MPP1: variants seen among roughly 807,000 people sequenced by gnomAD.
MPP1 encodes the protein MAGUK p55 scaffold protein 1.
Under a neutral mutation model 38.2 loss-of-function variants are expected in MPP1, and 6 were observed. The ratio of observed to expected loss-of-function variants is 0.16; its 90% CI spans 0.09 to 0.31. The LOEUF (loss-of-function observed/expected upper bound fraction) is 0.31, where lower values mean the gene tolerates loss of function less well. Among genes scored for constraint, MPP1 ranks in the 10% least tolerant of loss-of-function variants. The pLI is 1.00. For synonymous variants in MPP1, 153 were observed against 146.3 expected (o/e 1.05, Z -0.33); for missense variants, 293 against 368.9 (o/e 0.79, Z 1.69).
At chrX:154,791,902 T>G (rs1230040003) in intron 2 of MPP1, 55 bp from the exon 3 acceptor site, 12 of 1,100,419 alleles carry the variant, frequency 1.1e-5, no homozygotes, top group Non-Finnish European at 1.5e-5. Context: ...TCTGAGGTTA[T>G]TTTAGAAAGA....
At chrX:154,780,691 C>T (rs782413515) in intron 11 of MPP1, among the ~76,000 whole-genome samples, 1 of 111,342 alleles carries the variant, frequency 9.0e-6, no homozygotes, top group South Asian at 3.6e-4. Flanking sequence ...TGCAGTATTA[C>T]ACATGCATGC....
At chrX:154,785,642 C>G (rs1221568725) in intron 6 of MPP1, among the ~76,000 whole-genome samples, 1 of 112,387 alleles carries the variant, frequency 8.9e-6, no homozygotes, top group Non-Finnish European at 1.9e-5. Context: ...TGGTTGTAAT[C>G]TTTACACTGG....
At chrX:154,798,435 C>G (rs1026826938) in intron 1 of MPP1, among the ~76,000 whole-genome samples, 10 of 112,439 alleles carry the variant, frequency 8.9e-5, no homozygotes, top group Non-Finnish European at 1.7e-4. Context: ...GCAATTAAAA[C>G]AAAAAACACT....
intron 1 of MPP1, among the ~76,000 whole-genome samples, chrX:154,802,551 C>T (rs945608303): frequency 7.2e-5 from 8 of 110,920 alleles, no homozygotes; most frequent in African/African-American, 2.6e-4. Context: ...CAAACAGGCC[C>T]GAAGAGAAAA....
At chrX:154,801,413 A>T (rs1557268659) in intron 1 of MPP1, among the ~76,000 whole-genome samples, 1 of 111,056 alleles carries the variant, frequency 9.0e-6, no homozygotes, top group African/African-American at 3.3e-5. Context: ...TAGCCACAAT[A>T]AAAGCAGATT....
intron 3 of MPP1, among the ~76,000 whole-genome samples, chrX:154,791,423 G>C (rs1314748809): frequency 8.9e-6 from 1 of 112,202 alleles, no homozygotes; most frequent in African/African-American, 3.2e-5. Context: ...TTGTTGTTTA[G>C]CTCAAACCCC....
At chrX:154,801,450 T>G (rs1393215700) in intron 1 of MPP1, among the ~76,000 whole-genome samples, 14 of 110,296 alleles carry the variant, frequency 1.3e-4, no homozygotes, top group African/African-American at 4.3e-4. Flanking sequence ...CCTAAGCCCT[T>G]CCAGTTTTGA....
intron 1 of MPP1, among the ~76,000 whole-genome samples, chrX:154,800,200 G>GA (rs781916708): frequency 5.8e-4 from 65 of 112,240 alleles, no homozygotes; most frequent in Non-Finnish European, 1.0e-3. Context: ...TCCACTTTGG[G>GA]AAAAAACAAG....
In MPP1 at chrX:154,781,272, A is replaced by G. The variant is rs1407155521; in HGVS notation, c.1191T>C (p.Ile397=). 2.1e-5 allele frequency: 26 copies of G among 1,209,342 alleles called. 2 individuals are homozygous for G. The highest frequency in any genetic ancestry group is 7.0e-5 in the African/African-American group (4 of 57,067). Reference sequence around the variant, plus strand: ...CCTGGTCAGTAGGTGCAATGAACACAATGAAAGGCGAAAGTTCTGCTGTCC... The same window carrying G: ...CCTGGTCAGTAGGTGCAATGAACACGATGAAAGGCGAAAGTTCTGCTGTCC... The part of the protein sequence containing the change: ...IVRTAELSPF[I]VFIAPTDQGT... Residue 397 remains isoleucine (I), a synonymous_variant, in exon 11 of 12, where the codon ATT becomes ATC. Transcript: ENST00000369534.
At chrX:154,789,480 G>C (rs2072116565) in intron 5 of MPP1, among the ~76,000 whole-genome samples, 1 of 112,159 alleles carries the variant, frequency 8.9e-6, no homozygotes. Context: ...ATTTTAAAAA[G>C]TATTTGCCAA....
intron 10 of MPP1, 29 bp from the exon 11 acceptor site, chrX:154,781,342 AGGG>A: frequency 1.1e-6 from 1 of 899,010 alleles, no homozygotes; most frequent in Non-Finnish European, 1.6e-6. Flanking sequence ...GGCGGCGGGG[AGGG>A]GGGGGAAGGA....
intron 5 of MPP1, 43 bp downstream of exon 5, chrX:154,789,911 C>G (rs781837992): frequency 1.0e-6 from 1 of 970,223 alleles, no homozygotes; most frequent in Admixed American, 2.5e-5. Context: ...CAACATGGCC[C>G]GACTCCTGCC....
chrX:154,788,592 T>G (rs1408619420), intron 5 of MPP1, among the ~76,000 whole-genome samples: 1 of 112,024 alleles, frequency 8.9e-6, no homozygotes, highest in Non-Finnish European at 1.9e-5. Flanking sequence ...GGAATACTAT[T>G]TGGCAATATC....
chrX:154,805,442 G>A lies in MPP1; in HGVS notation c.-69C>T. 9.7e-7 allele frequency: 1 copy of A among 1,032,398 alleles called. No homozygotes were observed. The highest frequency in any genetic ancestry group is 2.1e-5 in the South Asian group (1 of 47,106). 85.1% of individuals were successfully genotyped at this position (1,032,398 alleles called of 1,213,427 possible). A position where few individuals can be genotyped will look rare whatever the true frequency, so the allele number is the denominator to read the frequency against. ...GGGAATGACAGGGCCCGGGGCCTGCGGGGCTGCGGAGAAGGCGGGAGACGC... is the reference window on the plus strand; with the variant it reads ...GGGAATGACAGGGCCCGGGGCCTGCAGGGCTGCGGAGAAGGCGGGAGACGC... On this transcript the variant is annotated 5_prime_UTR_variant, in exon 1 of 12. Transcript: ENST00000369534.
At chrX:154,788,427 G>T (rs1373045592) in intron 5 of MPP1, among the ~76,000 whole-genome samples, 1 of 111,709 alleles carries the variant, frequency 9.0e-6, no homozygotes, top group Non-Finnish European at 1.9e-5. Context: ...AGTCATTAGA[G>T]AATTTTTAGA....
chrX:154,785,788 C>A (rs2072065336), intron 6 of MPP1, among the ~76,000 whole-genome samples: 1 of 112,077 alleles, frequency 8.9e-6, no homozygotes, highest in African/African-American at 3.3e-5. Context: ...GGAATTATTT[C>A]TTCCATGTAC....
chrX:154,791,524 A>G, intron 3 of MPP1: 1 of 353,879 alleles, frequency 2.8e-6, no homozygotes, highest in Non-Finnish European at 4.9e-6. Context: ...TACTAGAAAA[A>G]TATTGGTATA....
At position 154,779,310 on chromosome X, in the gene MPP1, C is replaced by T. The variant is rs782666257; in HGVS notation, c.1268G>A (p.Arg423His). ...QQLQKDSEAI[R>H]SQYAHYFDLS... is the part of the protein sequence containing the mutation. Reference sequence around the variant, plus strand: ...GTCAAAGTAGTGAGCGTACTGGCTGCGGATGGCCTCAGAGTCCTTCTGCAG... The same window carrying T: ...GTCAAAGTAGTGAGCGTACTGGCTGTGGATGGCCTCAGAGTCCTTCTGCAG... Residue 423 changes from arginine (R) to histidine (H), a missense_variant, in exon 12 of 12, where the codon CGC (arginine) becomes CAC (histidine). By Grantham distance (29) the Arg-to-His change is conservative. Coordinates refer to ENST00000369534, the MANE Select transcript of MPP1 (RefSeq NM_002436.4). 26 of 1,211,081 alleles carry T rather than the reference C, an allele frequency of 2.1e-5. No homozygotes were observed. The highest frequency in any genetic ancestry group is 1.1e-4 in the South Asian group (6 of 56,864).
At chrX:154,784,656 T>C (rs1315697195) in intron 7 of MPP1, 1 of 249,675 alleles carries the variant, frequency 4.0e-6, no homozygotes, top group Non-Finnish European at 7.4e-6. Context: ...GCGAATTCTC[T>C]GCTCAAAACC....
Sources: gnomAD v4.1 joint callset for allele counts (sites outside exome capture counted in the v4.1 genomes callset) on GRCh38, gnomAD v4.1.1 for gene constraint, MANE v1.5 for transcripts, NCBI Gene and HGNC (gene_info 2026-07-23, HGNC 2026-07-21) for gene names.